TAFA2: variants seen among roughly 807,000 people sequenced by gnomAD.
The protein encoded by TAFA2 is chemokine-like protein TAFA-2.
TAFA2 carries 7 observed loss-of-function variants against 18.8 expected under a neutral mutation model. The observed-to-expected ratio is 0.37, with a 90% CI of 0.21 to 0.70. TAFA2 has a LOEUF of 0.70. Among genes scored for constraint, TAFA2 ranks in the 30% least tolerant of loss-of-function variants. TAFA2 has a pLI of 0.53. For synonymous variants in TAFA2, 60 were observed against 54.2 expected, an observed-to-expected ratio of 1.11 and a Z score of -0.47; for missense variants, 122 against 158.1, an observed-to-expected ratio of 0.77 and a Z score of 1.23.
intron 1 of TAFA2, among the ~76,000 whole-genome samples, chr12:62,147,658 A>G (rs1280167134): frequency 2.9e-5 from 4 of 139,482 alleles, no homozygotes; most frequent in Non-Finnish European, 4.6e-5. Context: ...TGAACCCGGG[A>G]GGCGGAGCTT....
intron 1 of TAFA2, among the ~76,000 whole-genome samples, chr12:61,873,299 A>C (rs1565664445): frequency 2.8e-5 from 2 of 70,334 alleles, no homozygotes; most frequent in African/African-American, 1.6e-4. Context: ...TTATTTATTA[A>C]TTTTTATTAT....
At chr12:62,151,618 A>G (rs991897266) in intron 1 of TAFA2, among the ~76,000 whole-genome samples, 1 of 152,226 alleles carries the variant, frequency 6.6e-6, no homozygotes, top group Admixed American at 6.5e-5. Flanking sequence ...GCATAGAGAC[A>G]AAAATCCTTT....
intron 2 of TAFA2, among the ~76,000 whole-genome samples, chr12:61,838,258 G>A (rs1341358073): frequency 6.6e-6 from 1 of 151,976 alleles, no homozygotes; most frequent in African/African-American, 2.4e-5. Context: ...CAGCATTTCA[G>A]TTCTTGTTCC....
intron 1 of TAFA2, among the ~76,000 whole-genome samples, chr12:61,959,020 A>ATCATATTATTTATT (rs1878792325): frequency 6.6e-6 from 1 of 151,948 alleles, no homozygotes; most frequent in Non-Finnish European, 1.5e-5. Flanking sequence ...CATTATATTT[A>ATCATATTATTTATT]TCATATTCTT....
intron 2 of TAFA2, among the ~76,000 whole-genome samples, chr12:61,855,235 C>A (rs183681006): frequency 6.6e-6 from 1 of 152,256 alleles, no homozygotes; most frequent in East Asian, 1.9e-4. Context: ...CTCATTTCAG[C>A]CATAGCAAAG....
chr12:61,715,719 G>C (rs1869626449), intron 4 of TAFA2, among the ~76,000 whole-genome samples: 1 of 147,784 alleles, frequency 6.8e-6, no homozygotes, highest in Admixed American at 6.9e-5. Flanking sequence ...ACCAGCCCGG[G>C]CAACATGGCA....
At chr12:61,887,797 G>C (rs1875454335) in intron 1 of TAFA2, among the ~76,000 whole-genome samples, 1 of 150,948 alleles carries the variant, frequency 6.6e-6, no homozygotes, top group Non-Finnish European at 1.5e-5. Context: ...GTATTCCATG[G>C]TGTATATGTG....
At chr12:62,148,374 T>C (rs984790311) in intron 1 of TAFA2, among the ~76,000 whole-genome samples, 1 of 152,106 alleles carries the variant, frequency 6.6e-6, no homozygotes, top group Non-Finnish European at 1.5e-5. Flanking sequence ...ATAAAAAGGG[T>C]AAAACCAAGT....
chr12:62,136,481 A>G (rs2136901466), intron 1 of TAFA2, among the ~76,000 whole-genome samples: 2 of 152,246 alleles, frequency 1.3e-5, no homozygotes, highest in South Asian at 4.1e-4. Flanking sequence ...AGAGGACAAA[A>G]CTTTTCAGAA....
intron 2 of TAFA2, among the ~76,000 whole-genome samples, chr12:61,823,736 C>G (rs893122805): frequency 4.6e-5 from 7 of 152,122 alleles, no homozygotes; most frequent in African/African-American, 1.4e-4. Context: ...TCTTTAATGT[C>G]TATATCCTAT....
At chr12:62,084,690 A>G (rs1390044523) in intron 1 of TAFA2, among the ~76,000 whole-genome samples, 1 of 152,210 alleles carries the variant, frequency 6.6e-6, no homozygotes, top group Non-Finnish European at 1.5e-5. Context: ...AACTGGACAA[A>G]GAAGTAGTAG....
In TAFA2 at chr12:61,710,359, G is replaced by C. The variant is rs369212569; in HGVS notation, c.*47C>G. On this transcript the variant is annotated 3_prime_UTR_variant, in exon 5 of 5. Coordinates refer to ENST00000416284, the MANE Select transcript of TAFA2 (RefSeq NM_178539.5). ...CAGGAGTTGAGTTAAGTTTCTATGC[G>C]CATGTTCAATGTCATCAGCCTTGAG... 1.3e-6 allele frequency: 2 copies of C among 1,585,756 alleles called. No individual in the cohort carries two copies. The highest frequency in any genetic ancestry group is 1.7e-6 in the Non-Finnish European group (2 of 1,154,768).
Position 61,720,256 on chromosome 12 carries a change from A to G in TAFA2, c.385-9839T>C, listed in dbSNP as rs1180994505. Among the ~76,000 whole-genome samples the G allele has an allele frequency of 2.6e-5, 4 of 152,288 alleles. No homozygotes were observed. In the East Asian group the frequency reaches 7.7e-4, roughly 29 times the overall value. On this transcript the variant is annotated intron_variant, in intron 4 of 4. Coordinates refer to ENST00000416284, the MANE Select transcript of TAFA2 (RefSeq NM_178539.5). ...ACCATTAGGTAAGAATGCAGCCTTT[A>G]TTTGGTTTATGGAGATTAAGTGAAA...
intron 1 of TAFA2, among the ~76,000 whole-genome samples, chr12:62,100,688 G>T (rs74402132): frequency 0.054 from 8,216 of 152,254 alleles, 335 homozygotes; most frequent in Non-Finnish European, 0.083. Context: ...GTCAAGCACT[G>T]CACTAGGCAC....
At chr12:61,725,364 G>C (rs1870111835) in intron 4 of TAFA2, among the ~76,000 whole-genome samples, 1 of 151,748 alleles carries the variant, frequency 6.6e-6, no homozygotes, top group Non-Finnish European at 1.5e-5. Context: ...TGCATAAGCT[G>C]GTGTCTATAA....
chr12:61,912,786 A>G (rs926130187), intron 1 of TAFA2, among the ~76,000 whole-genome samples: 17 of 152,220 alleles, frequency 1.1e-4, no homozygotes, highest in African/African-American at 4.1e-4. Flanking sequence ...GATAAAACAC[A>G]GGTGAATCAA....
chr12:61,763,105 T>C (rs1263943069), intron 2 of TAFA2, among the ~76,000 whole-genome samples: 1 of 152,080 alleles, frequency 6.6e-6, no homozygotes, highest in Admixed American at 6.6e-5. Flanking sequence ...GCTGAAGCAA[T>C]CTAATTAACA....
At chr12:61,722,717 A>T (rs1386838847) in intron 4 of TAFA2, among the ~76,000 whole-genome samples, 1 of 152,150 alleles carries the variant, frequency 6.6e-6, no homozygotes, top group Non-Finnish European at 1.5e-5. Flanking sequence ...TAAGAGTAGA[A>T]TAACTTTTTC....
intron 1 of TAFA2, among the ~76,000 whole-genome samples, chr12:61,951,132 A>G (rs1878450679): frequency 6.6e-6 from 1 of 152,142 alleles, no homozygotes; most frequent in Admixed American, 6.6e-5. Context: ...AGTGAGACCT[A>G]ATAAAAAGAA....
Sources: allele counts gnomAD v4.1 joint callset (sites outside exome capture counted in the v4.1 genomes callset), GRCh38; gene constraint gnomAD v4.1.1; transcripts MANE v1.5; gene names NCBI Gene and HGNC (gene_info 2026-07-23, HGNC 2026-07-21).